The following WIPI2 variants were observed in gnomAD, a reference collection of about 807,000 sequenced individuals.
WIPI2 encodes WD repeat domain phosphoinositide-interacting protein 2.
In WIPI2, 28 loss-of-function variants were observed where a neutral mutation model predicts 52.3. The observed-to-expected ratio is 0.54, with a 90% CI of 0.40 to 0.73. The LOEUF (loss-of-function observed/expected upper bound fraction) is 0.73, where lower values mean the gene tolerates loss of function less well. Ranked by LOEUF, WIPI2 falls within the 30% of genes least tolerant of loss-of-function variation. The pLI is 0.00. For synonymous variants in WIPI2, 268 were observed against 245.0 expected (o/e 1.09, Z -0.88); for missense variants, 506 against 602.9 (o/e 0.84, Z 1.68).
intron 7 of WIPI2, 116 bp downstream of exon 7, chr7:5,218,130 G>A: frequency 9.3e-7 from 1 of 1,074,514 alleles, no homozygotes; most frequent in East Asian, 2.5e-5. Flanking sequence ...TCCGGGAGAA[G>A]CAAAGACAGC....
In WIPI2 at chr7:5,227,114, G is replaced by A; in HGVS notation, c.849-66G>A. On this transcript the variant is annotated intron_variant, in intron 9 of 12. Coordinates refer to ENST00000288828, the MANE Select transcript of WIPI2 (RefSeq NM_015610.4). The surrounding 1 kb of genome is among the most constrained non-coding windows in gnomAD (Gnocchi z 8.1). ...CGGCTCCAGAGCTGTGCGTCTGTGT[G>A]AGTAGGGGGTGGCCGTCCCCCCAGG... The A allele has an allele frequency of 6.3e-7, 1 of 1,595,398 alleles. No individual in the cohort carries two copies. The highest frequency in any genetic ancestry group is 8.6e-7 in the Non-Finnish European group (1 of 1,169,300).
Position 5,230,735 on chromosome 7 carries a change from A to C in WIPI2, c.1253-100A>C, listed in dbSNP as rs891407317. 3.8e-5 allele frequency: 29 copies of C among 770,436 alleles called. No homozygotes were observed. The highest frequency in any genetic ancestry group is 5.0e-5 in the Non-Finnish European group (25 of 497,418). 47.7% of individuals were successfully genotyped at this position (770,436 alleles called of 1,614,324 possible). On this transcript the variant is annotated intron_variant, in intron 12 of 12. Transcript: ENST00000288828. This position sits in a 1 kb window ranked among gnomAD's most constrained non-coding sequence, Gnocchi z 4.8. ...GTCTTAGTACAGGCTTCAGTTTATA[A>C]ATATACACCAGTGTTTCCAAAACAC...
In WIPI2 at chr7:5,216,587, T is replaced by A; in HGVS notation, c.406T>A (p.Ser136Thr). Reference protein sequence around the residue: ...RQRLIVCLEESLYIHNIRDMK... With the variant: ...RQRLIVCLEETLYIHNIRDMK... ...GAGGCTGATAGTATGCCTGGAGGAG[T>A]CCCTGTACATCCACAACATTCGGGA... Residue 136 changes from serine (S) to threonine (T), a missense_variant, in exon 5 of 13, where the codon TCC becomes ACC. Coordinates refer to ENST00000288828, the MANE Select transcript of WIPI2 (RefSeq NM_015610.4). The A allele has an allele frequency of 6.2e-7, 1 of 1,613,842 alleles. No individual in the cohort carries two copies. The highest frequency in any genetic ancestry group is 1.1e-5 in the South Asian group (1 of 91,072).
At position 5,214,806 on chromosome 7, in the gene WIPI2, C is replaced by A. The variant is rs888351904; in HGVS notation, c.381+102C>A. 1.0e-5 allele frequency: 14 copies of A among 1,361,446 alleles called. No homozygotes were observed. The Admixed American group carries it at 1.2e-4, about 12-fold the overall frequency. The allele number at this position is 1,361,446 out of a possible 1,614,324, so 84.3% of individuals were successfully genotyped here. A position where few individuals can be genotyped will look rare whatever the true frequency, so the allele number is the denominator to read the frequency against. ...ATGCCCCTCCGTCATTCCCTTGCTG[C>A]CTGGCCCCACGTTGCCGGGCACAGA... is the stretch of plus-strand genomic sequence containing the variant. On this transcript the variant is annotated intron_variant, in intron 4 of 12. Coordinates refer to ENST00000288828, the MANE Select transcript of WIPI2 (RefSeq NM_015610.4).
chr7:5,196,379 G>A (rs777885604), intron 2 of WIPI2, among the ~76,000 whole-genome samples: 2 of 152,132 alleles, frequency 1.3e-5, no homozygotes, highest in Non-Finnish European at 2.9e-5. Flanking sequence ...TATCTTTACT[G>A]ATAAAGTGTA....
chr7:5,205,508 G>T (rs1782249806), intron 3 of WIPI2, among the ~76,000 whole-genome samples: 1 of 152,168 alleles, frequency 6.6e-6, no homozygotes, highest in Admixed American at 6.5e-5. Flanking sequence ...GGTCTTTGCA[G>T]TTGGCCGTCA....
At chr7:5,204,130 G>A (rs185597269) in intron 3 of WIPI2, among the ~76,000 whole-genome samples, 35 of 152,298 alleles carry the variant, frequency 2.3e-4, no homozygotes, top group Admixed American at 2.0e-3. Flanking sequence ...ACTGGAAAGT[G>A]ATTGTTCTGG....
intron 8 of WIPI2, among the ~76,000 whole-genome samples, chr7:5,223,655 G>A (rs958101454): frequency 2.6e-5 from 4 of 152,252 alleles, no homozygotes; most frequent in Admixed American, 1.3e-4. Flanking sequence ...TGCTGATCCC[G>A]GGGCTGGACG....
Position 5,225,803 on chromosome 7 carries a change from C to T in WIPI2, c.741-20C>T, listed in dbSNP as rs1783402368. On this transcript the variant is annotated intron_variant, in intron 8 of 12. Coordinates refer to ENST00000288828, the MANE Select transcript of WIPI2 (RefSeq NM_015610.4). ...AGCTGCTGGCTCCGGTGGCCCGCCC[C>T]AACCTGTGCGTCTCCCCAGGTGCGT... 1 of 1,594,658 alleles carries T rather than the reference C, an allele frequency of 6.3e-7. No individual in the cohort carries two copies. Among genetic ancestry groups the T allele is most frequent in the Non-Finnish European group, 8.6e-7 (1 of 1,168,572 alleles).
intron 3 of WIPI2, among the ~76,000 whole-genome samples, chr7:5,210,625 T>C (rs1309632718): frequency 1.3e-5 from 2 of 152,160 alleles, no homozygotes; most frequent in African/African-American, 4.8e-5. Context: ...TTGTGTTGAA[T>C]GGGTGAAGTA....
At chr7:5,215,541 A>G (rs577430704) in intron 4 of WIPI2, among the ~76,000 whole-genome samples, 378 of 152,286 alleles carry the variant, frequency 2.5e-3, no homozygotes, top group Middle Eastern at 6.8e-3. Context: ...TGGCAATCTG[A>G]TTCTGCCCGC....
At chr7:5,222,141 G>C (rs28434488) in intron 7 of WIPI2, among the ~76,000 whole-genome samples, 52,654 of 151,952 alleles carry the variant, frequency 0.35, 9,114 homozygotes, top group East Asian at 0.4. Flanking sequence ...TAGAGACACA[G>C]TTTCTCCATG....
At chr7:5,214,853 T>G (rs1782732875) in intron 4 of WIPI2, 149 bp downstream of exon 4, 2 of 887,658 alleles carry the variant, frequency 2.3e-6, no homozygotes, top group Non-Finnish European at 3.5e-6. Flanking sequence ...AGAGACCAGC[T>G]CTGTTTCCTC....
At chr7:5,229,812 G>A (rs950025979) in intron 12 of WIPI2, 74 bp downstream of exon 12, 186 of 1,580,722 alleles carry the variant, frequency 1.2e-4, no homozygotes, top group Middle Eastern at 4.0e-4. Flanking sequence ...TGCTGGCTCC[G>A]GAGCCACCCC....
intron 1 of WIPI2, among the ~76,000 whole-genome samples, chr7:5,192,478 T>C (rs1781530509): frequency 6.6e-6 from 1 of 152,252 alleles, no homozygotes. Flanking sequence ...CCATGTTCCC[T>C]GTGTCACAGA....
chr7:5,230,843 G>C lies in WIPI2; in HGVS notation c.1261G>C (p.Asp421His). The stretch of plus-strand genomic sequence containing the variant: ...TCGTCGTCTCTTTGCAGCCTACACA[G>C]ACGACCTGGGTGCTGTGGGTGGCGC... ...PSSPTRLAYT[D>H]DLGAVGGACL... Residue 421 changes from aspartate (D) to histidine (H), a missense_variant, in exon 13 of 13, where the codon GAC (aspartate) becomes CAC (histidine). By Grantham distance (81) the Asp-to-His change is moderately conservative. Coordinates refer to ENST00000288828, the MANE Select transcript of WIPI2 (RefSeq NM_015610.4). This position sits in a 1 kb window ranked among gnomAD's most constrained non-coding sequence, Gnocchi z 4.8. The C allele has an allele frequency of 6.2e-7, 1 of 1,613,570 alleles. No homozygotes were observed.
intron 7 of WIPI2, among the ~76,000 whole-genome samples, chr7:5,220,474 C>T (rs761034992): frequency 6.0e-4 from 91 of 151,568 alleles, no homozygotes; most frequent in Non-Finnish European, 1.1e-3. Flanking sequence ...CTCCTGACCT[C>T]GTGATCCACC....
At chr7:5,221,951 A>ATTTTT (rs200325811) in intron 7 of WIPI2, among the ~76,000 whole-genome samples, 1 of 101,126 alleles carries the variant, frequency 9.9e-6, no homozygotes, top group Non-Finnish European at 2.1e-5. Flanking sequence ...CCAGGCTTTT[A>ATTTTT]TTTTTTTTTT....
chr7:5,233,474 C>T lies in WIPI2; in HGVS notation c.*2527C>T, dbSNP rs1390351499. ...TATTCATTTTTAAATTGTATTTTTC[C>T]AAACTTCAAAAAGGACGATGAGCGT... On this transcript the variant is annotated 3_prime_UTR_variant, in exon 13 of 13. Transcript: ENST00000288828. 6.6e-6 allele frequency: 1 copy of T among 152,450 alleles called. No homozygotes were observed. The highest frequency in any genetic ancestry group is 6.5e-5 in the Admixed American group (1 of 15,278). The allele number at this position is 152,450 out of a possible 1,614,324, so 9.4% of individuals were successfully genotyped here. A position where few individuals can be genotyped will look rare whatever the true frequency, so the allele number is the denominator to read the frequency against.
Sources: gnomAD v4.1 joint callset for allele counts (sites outside exome capture counted in the v4.1 genomes callset) on GRCh38, gnomAD v4.1.1 for gene constraint, Gnocchi (gnomAD v3.1) non-coding constraint, MANE v1.5 for transcripts, NCBI Gene and HGNC (gene_info 2026-07-23, HGNC 2026-07-21) for gene names.